The following PADI4 variants were observed in gnomAD, a reference collection of about 807,000 sequenced individuals.
PADI4 encodes the protein peptidyl arginine deiminase 4.
In PADI4, 62 loss-of-function variants were observed where a neutral mutation model predicts 75.0. That is an observed-to-expected ratio of 0.83 (90% CI 0.67 to 1.02). The LOEUF (loss-of-function observed/expected upper bound fraction) is 1.02. Among genes scored for constraint, PADI4 ranks in the 50% least tolerant of loss-of-function variants. PADI4 has a pLI of 0.00. For missense variants in PADI4, 845 were observed against 850.5 expected (o/e 0.99, Z 0.08); for synonymous variants, 361 against 348.1 (o/e 1.04, Z -0.41).
At chr1:17,320,069 T>A (rs78657437) in intron 1 of PADI4, among the ~76,000 whole-genome samples, 2,070 of 152,326 alleles carry the variant, frequency 0.014, 54 homozygotes, top group African/African-American at 0.047. Context: ...AAGTCCAAAA[T>A]ATGAATCTTA....
At chr1:17,318,549 A>G (rs114781921) in intron 1 of PADI4, among the ~76,000 whole-genome samples, 1,737 of 152,292 alleles carry the variant, frequency 0.011, 41 homozygotes, top group African/African-American at 0.04. Context: ...CGGAGGCGGG[A>G]AGAATAACCT....
intron 11 of PADI4, among the ~76,000 whole-genome samples, chr1:17,355,426 G>C (rs1007180104): frequency 6.6e-6 from 1 of 152,220 alleles, no homozygotes; most frequent in South Asian, 2.1e-4. Flanking sequence ...ATGCATGCCT[G>C]TAATCCCAGC....
At chr1:17,335,832 C>T (rs921588285) in intron 3 of PADI4, among the ~76,000 whole-genome samples, 3 of 152,236 alleles carry the variant, frequency 2.0e-5, no homozygotes, top group Non-Finnish European at 2.9e-5. Context: ...CATCGAACCT[C>T]TCATTGTGGT....
At chr1:17,323,262 GCAGAGAGAGAGA>G (rs2100681546) in intron 1 of PADI4, among the ~76,000 whole-genome samples, 1 of 73,560 alleles carries the variant, frequency 1.4e-5, no homozygotes, top group East Asian at 4.3e-4. Context: ...AGAGAGAGAG[GCAGAGAGAGAGA>G]CAGAGAGAGA....
intron 8 of PADI4, among the ~76,000 whole-genome samples, chr1:17,345,004 C>T (rs781406636): frequency 1.4e-4 from 22 of 152,360 alleles, no homozygotes; most frequent in South Asian, 2.1e-4. Flanking sequence ...AAGCCACAGA[C>T]ACTCAACACC....
intron 1 of PADI4, among the ~76,000 whole-genome samples, chr1:17,320,605 G>C (rs2074017081): frequency 6.6e-6 from 1 of 152,148 alleles, no homozygotes; most frequent in African/African-American, 2.4e-5. Context: ...TCCGTAAACT[G>C]TCATGACGCT....
At chr1:17,339,984 G>A (rs1414827106) in intron 6 of PADI4, among the ~76,000 whole-genome samples, 171 bp downstream of exon 6, 3 of 152,004 alleles carry the variant, frequency 2.0e-5, no homozygotes, top group Non-Finnish European at 4.4e-5. Flanking sequence ...CTTCCAGTTG[G>A]AGGACACAGA....
rs182409475 is a variant in PADI4 at position 17,355,792 on chromosome 1, C to T, written c.1311-191C>T. Among the ~76,000 whole-genome samples the T allele has an allele frequency of 7.9e-3, 1,209 of 152,284 alleles. 8 individuals are homozygous for T. Among genetic ancestry groups the T allele is most frequent in the Admixed American group, 0.012 (187 of 15,292 alleles). On this transcript the variant is annotated intron_variant, in intron 11 of 15. Coordinates refer to ENST00000375448, the MANE Select transcript of PADI4 (RefSeq NM_012387.3). ...CCTTAGTGACTCTGTGCCTCAGTTT[C>T]CCCCAATAAAACTAGAATGACAATT...
At position 17,339,786 on chromosome 1, in the gene PADI4, G is replaced by A. The variant is rs753311284; in HGVS notation, c.625G>A (p.Asp209Asn). ...LVLHVARSEM[D>N]KVRVFQATRG... The stretch of plus-strand genomic sequence containing the variant: ...GCTCCACGTGGCCAGGTCTGAGATG[G>A]ACAAAGTGAGGGTGTTTCAGGCCAC... Residue 209 changes from aspartate (D) to asparagine (N), a missense_variant, in exon 6 of 16, where the codon GAC becomes AAC. Transcript: ENST00000375448. The A allele has an allele frequency of 5.0e-6, 8 of 1,611,584 alleles. No homozygotes were observed. In the East Asian group the frequency reaches 1.8e-4, roughly 36 times the overall value.
chr1:17,333,688 CT>C (rs2074256764), intron 2 of PADI4, among the ~76,000 whole-genome samples: 1 of 151,944 alleles, frequency 6.6e-6, no homozygotes, highest in Non-Finnish European at 1.5e-5. Context: ...AAGCACACTC[CT>C]TCACAAACGA....
At chr1:17,358,968 T>C (rs2074807251) in intron 14 of PADI4, 60 bp downstream of exon 14, 2 of 1,187,514 alleles carry the variant, frequency 1.7e-6, no homozygotes, top group Non-Finnish European at 2.4e-6. Flanking sequence ...GCTCAGCCAC[T>C]TTCCCAGTGA....
intron 10 of PADI4, 118 bp from the exon 11 acceptor site, chr1:17,354,415 G>A: frequency 1.2e-6 from 1 of 834,470 alleles, no homozygotes; most frequent in South Asian, 1.4e-5. Flanking sequence ...CTATGTGCCA[G>A]CTGTAGACGG....
rs1051685878 is a variant in PADI4 at position 17,346,776 on chromosome 1, G to C, written c.1047+637G>C. On this transcript the variant is annotated intron_variant, in intron 9 of 15. Coordinates refer to ENST00000375448, the MANE Select transcript of PADI4 (RefSeq NM_012387.3). This position sits in a 1 kb window ranked among gnomAD's most constrained non-coding sequence, Gnocchi z 4.3. ...TTCCATGCCGCACCCCTGCGGTGCTGTCTCTTGGACCCATCTCCCCATTCC... is the reference window on the plus strand; with the variant it reads ...TTCCATGCCGCACCCCTGCGGTGCTCTCTCTTGGACCCATCTCCCCATTCC... 2.0e-5 allele frequency among the ~76,000 whole-genome samples: 3 copies of C among 151,940 alleles called. No individual in the cohort carries two copies. Among genetic ancestry groups the C allele is most frequent in the Admixed American group, 6.6e-5 (1 of 15,250 alleles).
chr1:17,313,084 C>T (rs915465533), intron 1 of PADI4, among the ~76,000 whole-genome samples: 6 of 151,370 alleles, frequency 4.0e-5, no homozygotes, highest in Non-Finnish European at 7.4e-5. Flanking sequence ...CAGCTACTCG[C>T]GAGGGTGAGG....
chr1:17,339,901 C>A (rs2074384933), intron 6 of PADI4, 88 bp downstream of exon 6: 2 of 1,421,250 alleles, frequency 1.4e-6, no homozygotes, highest in South Asian at 2.7e-5. Flanking sequence ...AAATCCTGAG[C>A]ACCTACTATG....
chr1:17,352,754 T>C (rs2074687828), intron 10 of PADI4, among the ~76,000 whole-genome samples: 1 of 152,068 alleles, frequency 6.6e-6, no homozygotes, highest in Non-Finnish European at 1.5e-5. Flanking sequence ...CAAAGTTCTG[T>C]TTAGGGCAAG....
chr1:17,357,850 G>A (rs957696189), intron 13 of PADI4, among the ~76,000 whole-genome samples: 14 of 151,030 alleles, frequency 9.3e-5, no homozygotes, highest in Non-Finnish European at 1.8e-4. Context: ...AGAATCACTC[G>A]AACCCGGGAG....
At chr1:17,343,610 C>T (rs914290242) in intron 8 of PADI4, among the ~76,000 whole-genome samples, 12 of 152,260 alleles carry the variant, frequency 7.9e-5, no homozygotes, top group African/African-American at 1.7e-4. Context: ...ACAATTCCCA[C>T]GTGTTCTGGG....
intron 1 of PADI4, among the ~76,000 whole-genome samples, chr1:17,321,645 TC>T (rs1182567942): frequency 6.6e-6 from 1 of 152,246 alleles, no homozygotes; most frequent in African/African-American, 2.4e-5. Flanking sequence ...TGAAATCTCC[TC>T]TTCTGTCTAC....
Sources: gnomAD v4.1 joint callset for allele counts (sites outside exome capture counted in the v4.1 genomes callset) on GRCh38, gnomAD v4.1.1 for gene constraint, Gnocchi (gnomAD v3.1) non-coding constraint, MANE v1.5 for transcripts, NCBI Gene and HGNC (gene_info 2026-07-23, HGNC 2026-07-21) for gene names.